The following CHST11 variants were observed in gnomAD, a reference collection of about 807,000 sequenced individuals.
CHST11 encodes C4S-1.
Under a neutral mutation model 30.4 loss-of-function variants are expected in CHST11, and 9 were observed. That is an observed-to-expected ratio of 0.30 (90% CI 0.18 to 0.52). The LOEUF is 0.52. CHST11 is among the 20% of genes least tolerant of loss of function. The pLI, the probability that CHST11 is intolerant of heterozygous loss-of-function variation, is 0.97. For synonymous variants in CHST11, 152 were observed against 187.8 expected (o/e 0.81, Z 1.56); for missense variants, 348 against 460.6 (o/e 0.76, Z 2.24).
At chr12:104,461,513 AG>A (rs2037407598) in intron 1 of CHST11, among the ~76,000 whole-genome samples, 1 of 152,202 alleles carries the variant, frequency 6.6e-6, no homozygotes, top group Admixed American at 6.5e-5. Flanking sequence ...GAGGCCCCCC[AG>A]GCTGCATTGG....
intron 2 of CHST11, among the ~76,000 whole-genome samples, chr12:104,706,030 G>A (rs1401703423): frequency 3.3e-5 from 5 of 152,136 alleles, no homozygotes; most frequent in African/African-American, 9.7e-5. Context: ...AGGTTGCAGT[G>A]AGCTGTGATT....
chr12:104,719,794 C>G (rs766973087), intron 2 of CHST11, among the ~76,000 whole-genome samples: 1 of 152,106 alleles, frequency 6.6e-6, no homozygotes, highest in Admixed American at 6.5e-5. Context: ...GGAGGGGTGG[C>G]GGGGGCTGCA....
At position 104,758,992 on chromosome 12, in the gene CHST11, A is replaced by T. The variant is rs749208975; in HGVS notation, c.*1189A>T. 6 of 152,318 alleles carry T rather than the reference A, an allele frequency of 3.9e-5. No individual in the cohort carries two copies. The highest frequency in any genetic ancestry group is 8.8e-5 in the Non-Finnish European group (6 of 68,062). The allele number at this position is 152,318 out of a possible 1,614,324, so 9.4% of individuals were successfully genotyped here. A position where few individuals can be genotyped will look rare whatever the true frequency, so the allele number is the denominator to read the frequency against. On this transcript the variant is annotated 3_prime_UTR_variant, in exon 3 of 3. Coordinates refer to ENST00000303694, the MANE Select transcript of CHST11 (RefSeq NM_018413.6). ...GTCTGCCTTGGGTGAGGAAAGGGGA[A>T]CACTCCTCAAGTGCCTCCTACTGTC...
At chr12:104,596,437 T>A (rs1018030273) in intron 1 of CHST11, among the ~76,000 whole-genome samples, 3 of 152,174 alleles carry the variant, frequency 2.0e-5, no homozygotes, top group Admixed American at 2.0e-4. Flanking sequence ...ACAGCAGTGC[T>A]TCATTTCGAA....
At chr12:104,719,149 A>G (rs542225780) in intron 2 of CHST11, among the ~76,000 whole-genome samples, 5 of 152,270 alleles carry the variant, frequency 3.3e-5, no homozygotes, top group Admixed American at 1.3e-4. Flanking sequence ...CTATGGTTCC[A>G]GAATGGTGAC....
At chr12:104,565,805 C>T (rs1220654055) in intron 1 of CHST11, among the ~76,000 whole-genome samples, 2 of 152,132 alleles carry the variant, frequency 1.3e-5, no homozygotes, top group Non-Finnish European at 2.9e-5. Flanking sequence ...TCTCAGCAGG[C>T]CCTTGAAATT....
chr12:104,470,806 G>C (rs1358354274), intron 1 of CHST11, among the ~76,000 whole-genome samples: 2 of 152,170 alleles, frequency 1.3e-5, no homozygotes, highest in Non-Finnish European at 2.9e-5. Flanking sequence ...TCCTGGCTCA[G>C]GTCTAACTGA....
intron 1 of CHST11, chr12:104,588,816 G>C (rs1592780367): frequency 6.6e-6 from 1 of 152,302 alleles, no homozygotes; most frequent in Admixed American, 6.5e-5. Flanking sequence ...CAGCAAAACA[G>C]CTTAAAAAGC....
chr12:104,756,290 T>A (rs2040473760), intron 2 of CHST11, among the ~76,000 whole-genome samples: 1 of 152,078 alleles, frequency 6.6e-6, no homozygotes, highest in South Asian at 2.1e-4. Flanking sequence ...TGCCCTCCTG[T>A]TTCCTGTTCT....
chr12:104,516,946 C>G (rs1171450858), intron 1 of CHST11, among the ~76,000 whole-genome samples: 1 of 152,154 alleles, frequency 6.6e-6, no homozygotes, highest in African/African-American at 2.4e-5. Flanking sequence ...GTTCTTCCTT[C>G]TAGAGTTACG....
chr12:104,707,969 C>T (rs1049503857), intron 2 of CHST11, among the ~76,000 whole-genome samples: 1 of 152,172 alleles, frequency 6.6e-6, no homozygotes, highest in Non-Finnish European at 1.5e-5. Context: ...CTCATGCTCA[C>T]AAGCATGCAT....
At chr12:104,544,295 G>A (rs58027342) in intron 1 of CHST11, among the ~76,000 whole-genome samples, 2,541 of 152,228 alleles carry the variant, frequency 0.017, 125 homozygotes, top group East Asian at 0.16. Context: ...AGAAAATAAT[G>A]AGCATAGTTA....
chr12:104,574,088 C>T (rs1386571492), intron 1 of CHST11, among the ~76,000 whole-genome samples: 1 of 152,170 alleles, frequency 6.6e-6, no homozygotes, highest in Non-Finnish European at 1.5e-5. Flanking sequence ...GACATTTATG[C>T]AGCCAAAAGA....
intron 1 of CHST11, among the ~76,000 whole-genome samples, chr12:104,507,515 G>A (rs1020162397): frequency 6.6e-6 from 1 of 152,208 alleles, no homozygotes; most frequent in African/African-American, 2.4e-5. Context: ...TTCCCCATTT[G>A]TAAAATGGTA....
intron 2 of CHST11, among the ~76,000 whole-genome samples, chr12:104,723,873 A>G (rs997729358): frequency 6.6e-6 from 1 of 152,250 alleles, no homozygotes; most frequent in Non-Finnish European, 1.5e-5. Context: ...TGAAATTTTG[A>G]CACAAGCTAT....
chr12:104,604,231 G>A (rs2038982346), intron 2 of CHST11, among the ~76,000 whole-genome samples: 5 of 152,184 alleles, frequency 3.3e-5, no homozygotes, highest in African/African-American at 4.8e-5. Flanking sequence ...CTATTGAGCA[G>A]TAGCCTGGGA....
At chr12:104,625,334 C>T (rs569920506) in intron 2 of CHST11, among the ~76,000 whole-genome samples, 6 of 152,224 alleles carry the variant, frequency 3.9e-5, no homozygotes, top group Admixed American at 1.3e-4. Flanking sequence ...GACGGAGTTT[C>T]GCTCTTGTCG....
chr12:104,717,955 A>T (rs1002103475), intron 2 of CHST11, among the ~76,000 whole-genome samples: 1 of 152,294 alleles, frequency 6.6e-6, no homozygotes, highest in Admixed American at 6.5e-5. Context: ...GTCTCAAAAT[A>T]AATTAATTAA....
chr12:104,674,393 C>T (rs1322568283), intron 2 of CHST11, among the ~76,000 whole-genome samples: 2 of 152,160 alleles, frequency 1.3e-5, no homozygotes, highest in Non-Finnish European at 2.9e-5. Context: ...ATACTTAATC[C>T]TTGCATCCTA....
Sources: gnomAD v4.1 joint callset for allele counts (sites outside exome capture counted in the v4.1 genomes callset) on GRCh38, gnomAD v4.1.1 for gene constraint, MANE v1.5 for transcripts, NCBI Gene and HGNC (gene_info 2026-07-23, HGNC 2026-07-21) for gene names.